Variants in SMPDL3B observed in about 807,000 individuals in gnomAD.
SMPDL3B encodes the protein sphingomyelin phosphodiesterase acid like 3B, also known as acid sphingomyelinase-like phosphodiesterase 3b.
A neutral mutation model predicts 37.9 loss-of-function variants in SMPDL3B; 31 were observed. The observed-to-expected ratio is 0.82, with a 90% CI of 0.61 to 1.10. The LOEUF (loss-of-function observed/expected upper bound fraction) is 1.10, where lower values mean the gene tolerates loss of function less well. Ranked by LOEUF, SMPDL3B falls within the 50% of genes least tolerant of loss-of-function variation. SMPDL3B has a pLI of 0.00. For synonymous variants in SMPDL3B, 235 were observed against 242.6 expected (o/e 0.97, Z 0.29); for missense variants, 525 against 597.8 (o/e 0.88, Z 1.27).
At position 27,955,696 on chromosome 1, in the gene SMPDL3B, G is replaced by T; in HGVS notation, c.703G>T (p.Gly235Cys). The change falls in exon 6 of 8, where the codon GGC (glycine) becomes TGC (cysteine). Residue 235 changes from glycine (G) to cysteine (C), a missense_variant. Gly to Cys is a radical substitution (Grantham distance 159). Transcript: ENST00000373894. The part of the protein sequence containing the change: ...SKAGDMVYIV[G>C]HVPPGFFEKT... ...CCCTCCCTTGTAGGTGTACATTGTC[G>T]GCCACGTGCCCCCGGGGTTCTTTGA... is the stretch of plus-strand genomic sequence containing the variant. The T allele has an allele frequency of 6.2e-7, 1 of 1,613,448 alleles. No homozygotes were observed. The highest frequency in any genetic ancestry group is 8.5e-7 in the Non-Finnish European group (1 of 1,179,686).
intron 1 of SMPDL3B, among the ~76,000 whole-genome samples, chr1:27,944,839 A>C (rs1308609036): frequency 2.0e-5 from 3 of 151,612 alleles, no homozygotes; most frequent in African/African-American, 7.3e-5. Context: ...TAATGGGCTT[A>C]GAAAAGTGAC....
chr1:27,958,883 C>G lies in SMPDL3B; in HGVS notation c.*45C>G. ...TCCTGGTAACGGGTAACGGGGGCAG[C>G]GCCCAGGATCACCCAGAGCTGGGCC... On this transcript the variant is annotated 3_prime_UTR_variant, in exon 8 of 8. Transcript: ENST00000373894. This position sits in a 1 kb window ranked among gnomAD's most constrained non-coding sequence, Gnocchi z 5.6. 1 of 1,499,308 alleles carries G rather than the reference C, an allele frequency of 6.7e-7. No individual in the cohort carries two copies. Among genetic ancestry groups the G allele is most frequent in the Non-Finnish European group, 8.9e-7 (1 of 1,120,760 alleles). The allele number at this position is 1,499,308 out of a possible 1,614,324, so 92.9% of individuals were successfully genotyped here.
intron 1 of SMPDL3B, among the ~76,000 whole-genome samples, chr1:27,938,661 G>C (rs2090328991): frequency 6.6e-6 from 1 of 152,204 alleles, no homozygotes. Context: ...CTGTATGATG[G>C]GGCGAAAGCC....
chr1:27,941,017 G>A (rs919974481), intron 1 of SMPDL3B, among the ~76,000 whole-genome samples: 1 of 152,196 alleles, frequency 6.6e-6, no homozygotes, highest in African/African-American at 2.4e-5. Flanking sequence ...GTGAGGCCTG[G>A]TGGCTTGCCC....
In SMPDL3B at chr1:27,955,805, C is replaced by T. The variant is rs2090496101; in HGVS notation, c.812C>T (p.Ala271Val). The T allele has an allele frequency of 6.2e-7, 1 of 1,614,038 alleles. No individual in the cohort carries two copies. Among genetic ancestry groups the T allele is most frequent in the Admixed American group, 1.7e-5 (1 of 59,994 alleles). The change falls in exon 6 of 8, where the codon GCA becomes GTA. Residue 271 changes from alanine to valine, a missense_variant. Ala to Val is a moderately conservative substitution (Grantham distance 64). Transcript: ENST00000373894. The stretch of plus-strand genomic sequence containing the variant: ...GTCCGGAAGCATCATCGCGTCATAG[C>T]AGGGCAGTTCTTCGGGCACCACCAC... The part of the protein sequence containing the change: ...KVVRKHHRVI[A>V]GQFFGHHHTD...
intron 3 of SMPDL3B, among the ~76,000 whole-genome samples, chr1:27,950,635 T>A (rs1053179172): frequency 2.0e-4 from 30 of 152,026 alleles, no homozygotes; most frequent in African/African-American, 6.8e-4. Context: ...TTTTATTATT[T>A]TTTTATTTTT....
chr1:27,940,905 C>T (rs1050748870), intron 1 of SMPDL3B, among the ~76,000 whole-genome samples: 4 of 152,242 alleles, frequency 2.6e-5, no homozygotes, highest in East Asian at 1.9e-4. Flanking sequence ...TTGCAGGTAA[C>T]GGTATGGTGC....
chr1:27,937,341 TG>T (rs2090318711), intron 1 of SMPDL3B, among the ~76,000 whole-genome samples: 1 of 152,184 alleles, frequency 6.6e-6, no homozygotes, highest in African/African-American at 2.4e-5. Context: ...AAACACTCCC[TG>T]GAAGGCCAGC....
chr1:27,937,384 A>G (rs949512265), intron 1 of SMPDL3B, among the ~76,000 whole-genome samples: 4 of 152,256 alleles, frequency 2.6e-5, no homozygotes, highest in Admixed American at 1.3e-4. Context: ...CAGGGCAGGA[A>G]TGGTAACACC....
chr1:27,956,081 A>G lies in SMPDL3B; in HGVS notation c.1004A>G (p.Lys335Arg). The G allele has an allele frequency of 6.2e-7, 1 of 1,614,162 alleles. No individual in the cohort carries two copies. Among genetic ancestry groups the G allele is most frequent in the Non-Finnish European group, 8.5e-7 (1 of 1,180,028 alleles). ...FEYDRATLSL[K>R]DMVTYFMNLS... is the part of the protein sequence containing the mutation. ...TATGACCGAGCCACACTGAGCCTGA[A>G]GGTCAGGAGTCCTGCGGAGGCCAGA... is the stretch of plus-strand genomic sequence containing the variant. Residue 335 changes from lysine to arginine, a missense_variant and splice_region_variant, in exon 7 of 8, where the codon AAG (lysine) becomes AGG (arginine). Coordinates refer to ENST00000373894, the MANE Select transcript of SMPDL3B (RefSeq NM_014474.4).
chr1:27,953,208 T>C lies in SMPDL3B; in HGVS notation c.374-7T>C, dbSNP rs200726199. The C allele has an allele frequency of 3.0e-3, 4,779 of 1,605,472 alleles. 14 individuals are homozygous for C. The highest frequency in any genetic ancestry group is 3.8e-3 in the Non-Finnish European group (4,482 of 1,176,936). On this transcript the variant is annotated splice_region_variant and splice_polypyrimidine_tract_variant and intron_variant, in intron 3 of 7. Coordinates refer to ENST00000373894, the MANE Select transcript of SMPDL3B (RefSeq NM_014474.4). ...ATATATTTTGATATTTCACCCTTTC[T>C]TCCTAGATACTAAAGTCTATGCTGC...
Position 27,958,182 on chromosome 1 carries a change from G to T in SMPDL3B, c.1006-294G>T, listed in dbSNP as rs967965915. 6.6e-6 allele frequency among the ~76,000 whole-genome samples: 1 copy of T among 152,154 alleles called. No individual in the cohort carries two copies. Among genetic ancestry groups the T allele is most frequent in the Non-Finnish European group, 1.5e-5 (1 of 68,030 alleles). On this transcript the variant is annotated intron_variant, in intron 7 of 7. Transcript: ENST00000373894. The surrounding 1 kb of genome is among the most constrained non-coding windows in gnomAD (Gnocchi z 5.6). ...ATGGTGGGACCTGGGGTAAACCTGG[G>T]GTCCAATCCTGCTACCACTGAATAC...
At position 27,945,136 on chromosome 1, in the gene SMPDL3B, TA is replaced by T; in HGVS notation, c.62-94del. On this transcript the variant is annotated intron_variant, in intron 1 of 7. Transcript: ENST00000373894. This position sits in a 1 kb window ranked among gnomAD's most constrained non-coding sequence, Gnocchi z 4.0. ...CAGAGAAGACTTCCATTTGCCTGTGTAACGCCCCTGCCCCAGCCCAGGGCTC... is the reference window on the plus strand; with the variant it reads ...CAGAGAAGACTTCCATTTGCCTGTGTACGCCCCTGCCCCAGCCCAGGGCTC... 8.5e-7 allele frequency: 1 copy of T among 1,178,060 alleles called. No individual in the cohort carries two copies. The highest frequency in any genetic ancestry group is 1.2e-6 in the Non-Finnish European group (1 of 802,546). The allele number at this position is 1,178,060 out of a possible 1,614,324, so 73.0% of individuals were successfully genotyped here. A position where few individuals can be genotyped will look rare whatever the true frequency, so the allele number is the denominator to read the frequency against.
chr1:27,944,330 T>A (rs1318825426), intron 1 of SMPDL3B, among the ~76,000 whole-genome samples: 1 of 152,104 alleles, frequency 6.6e-6, no homozygotes, highest in South Asian at 2.1e-4. Flanking sequence ...CACTTCCACA[T>A]GTAGTCCCCA....
At position 27,958,528 on chromosome 1, in the gene SMPDL3B, C is replaced by A; in HGVS notation, c.1058C>A (p.Pro353Gln). Residue 353 changes from proline (P) to glutamine (Q), a missense_variant, in exon 8 of 8, where the codon CCG (proline) becomes CAG (glutamine). Pro to Gln is a moderately conservative substitution (Grantham distance 76, BLOSUM62 -1). Coordinates refer to ENST00000373894, the MANE Select transcript of SMPDL3B (RefSeq NM_014474.4). The surrounding 1 kb of genome is among the most constrained non-coding windows in gnomAD (Gnocchi z 5.6). ...NLSQANAQGT[P>Q]RWELEYQLTE... ...AGCCAGGCGAATGCTCAGGGGACGC[C>A]GCGCTGGGAGCTCGAGTACCAGCTG... 6.2e-7 allele frequency: 1 copy of A among 1,613,720 alleles called. No individual in the cohort carries two copies. Among genetic ancestry groups the A allele is most frequent in the Non-Finnish European group, 8.5e-7 (1 of 1,179,796 alleles).
At chr1:27,939,842 T>C (rs1468436632) in intron 1 of SMPDL3B, among the ~76,000 whole-genome samples, 2 of 147,810 alleles carry the variant, frequency 1.4e-5, no homozygotes, top group African/African-American at 5.0e-5. Flanking sequence ...TTGTTTGTTT[T>C]TGTAGAGGCA....
In SMPDL3B at chr1:27,935,105, A is replaced by T. The variant is rs1196392606; in HGVS notation, c.-79A>T. 3.4e-6 allele frequency: 4 copies of T among 1,183,092 alleles called. No homozygotes were observed. Among genetic ancestry groups the T allele is most frequent in the Non-Finnish European group, 5.0e-6 (4 of 798,854 alleles). The allele number at this position is 1,183,092 out of a possible 1,614,324, so 73.3% of individuals were successfully genotyped here. On this transcript the variant is annotated 5_prime_UTR_variant, in exon 1 of 8. Coordinates refer to ENST00000373894, the MANE Select transcript of SMPDL3B (RefSeq NM_014474.4). ...GTTCTGCTCAGGCACGTGGCCACAGAAAACTACTTAGGAAGCCTGTGGTGA... is the reference window on the plus strand; with the variant it reads ...GTTCTGCTCAGGCACGTGGCCACAGTAAACTACTTAGGAAGCCTGTGGTGA...
chr1:27,937,257 C>T lies in SMPDL3B; in HGVS notation c.61+2013C>T, dbSNP rs72875014. Among the ~76,000 whole-genome samples, 580 of 152,330 alleles carry T rather than the reference C, an allele frequency of 3.8e-3. 5 individuals carry two copies. The highest frequency in any genetic ancestry group is 0.013 in the African/African-American group (561 of 41,580). On this transcript the variant is annotated intron_variant, in intron 1 of 7. Coordinates refer to ENST00000373894, the MANE Select transcript of SMPDL3B (RefSeq NM_014474.4). ...CTCCTCCTACACATGTCCTGTGTAA[C>T]ATTTCGCTCCTTCCTCAGCTTCTAA...
In SMPDL3B at chr1:27,958,526, G is replaced by T; in HGVS notation, c.1056G>T (p.Thr352=). The change falls in exon 8 of 8, where the codon ACG becomes ACT. Residue 352 remains threonine (T), a synonymous_variant. Coordinates refer to ENST00000373894, the MANE Select transcript of SMPDL3B (RefSeq NM_014474.4). This position sits in a 1 kb window ranked among gnomAD's most constrained non-coding sequence, Gnocchi z 5.6. Reference sequence around the variant, plus strand: ...TGAGCCAGGCGAATGCTCAGGGGACGCCGCGCTGGGAGCTCGAGTACCAGC... The same window carrying T: ...TGAGCCAGGCGAATGCTCAGGGGACTCCGCGCTGGGAGCTCGAGTACCAGC... The part of the protein sequence containing the change: ...MNLSQANAQG[T]PRWELEYQLT... 1 of 1,613,550 alleles carries T rather than the reference G, an allele frequency of 6.2e-7. No individual in the cohort carries two copies. The highest frequency in any genetic ancestry group is 8.5e-7 in the Non-Finnish European group (1 of 1,179,684).
Sources: gnomAD v4.1 joint callset for allele counts (sites outside exome capture counted in the v4.1 genomes callset) on GRCh38, gnomAD v4.1.1 for gene constraint, Gnocchi (gnomAD v3.1) non-coding constraint, MANE v1.5 for transcripts, NCBI Gene and HGNC (gene_info 2026-07-23, HGNC 2026-07-21) for gene names.